FCRL6: variants seen among roughly 807,000 people sequenced by gnomAD.
The protein encoded by FCRL6 is Fc receptor like 6, also known as Fc receptor-like protein 6.
FCRL6 carries 50 observed loss-of-function variants against 49.1 expected under a neutral mutation model. The observed-to-expected ratio is 1.02, with a 90% CI of 0.81 to 1.29. FCRL6 has a LOEUF of 1.29. Among genes scored for constraint, FCRL6 ranks in the 50% most tolerant of loss-of-function variants. The pLI, the probability that FCRL6 is intolerant of heterozygous loss-of-function variation, is 0.00. For synonymous variants in FCRL6, 213 were observed against 199.6 expected (o/e 1.07, Z -0.57); for missense variants, 571 against 518.5 (o/e 1.10, Z -0.98).
Position 159,813,559 on chromosome 1 carries a change from G to A in FCRL6, c.1075+5G>A, listed in dbSNP as rs1249575016. The A allele has an allele frequency of 1.2e-6, 2 of 1,613,752 alleles. No homozygotes were observed. Among genetic ancestry groups the A allele is most frequent in the Non-Finnish European group, 1.7e-6 (2 of 1,179,616 alleles). On this transcript the variant is annotated splice_donor_5th_base_variant and intron_variant, in intron 7 of 9. Coordinates refer to ENST00000368106, the MANE Select transcript of FCRL6 (RefSeq NM_001004310.3). ...AGTGCCCACTATATGCCAACGGTAA[G>A]GACTTCCAGCAGGATGGTGGTGTGC...
Position 159,815,549 on chromosome 1 carries a change from T to A in FCRL6, c.1193T>A (p.Ile398Asn), listed in dbSNP as rs1358899313. Residue 398 changes from isoleucine (I) to asparagine (N), a missense_variant, in exon 10 of 10, where the codon ATC becomes AAC. Physicochemically the swap from Ile to Asn is moderately radical, Grantham distance 149. Transcript: ENST00000368106. ...ACTCTTCCACAGGACAGTTCTATCA[T>A]CTGTGCGGAGGTGAGATGCCTGCAG... ...FTVGRKDSSI[I>N]CAEVRCLQPS... 1 of 1,614,116 alleles carries A rather than the reference T, an allele frequency of 6.2e-7. No individual in the cohort carries two copies. Among genetic ancestry groups the A allele is most frequent in the African/African-American group, 1.3e-5 (1 of 74,938 alleles).
chr1:159,813,398 C>G (rs1663196837), intron 6 of FCRL6, 91 bp from the exon 7 acceptor site: 1 of 1,151,492 alleles, frequency 8.7e-7, no homozygotes, highest in African/African-American at 1.5e-5. Context: ...CTCCAGCGGC[C>G]TCCTTGTCAT....
At chr1:159,803,360 C>T (rs1031996464) in intron 1 of FCRL6, among the ~76,000 whole-genome samples, 6 of 152,230 alleles carry the variant, frequency 3.9e-5, no homozygotes, top group African/African-American at 7.2e-5. Context: ...CAATAGCTTG[C>T]TTGCTATTTG....
intron 1 of FCRL6, among the ~76,000 whole-genome samples, chr1:159,805,055 G>A (rs55997732): frequency 0.13 from 19,909 of 152,198 alleles, 1,744 homozygotes; most frequent in Admixed American, 0.26. Context: ...GTTCAAGGTC[G>A]TACAGAAAGA....
intron 6 of FCRL6, 58 bp from the exon 7 acceptor site, chr1:159,813,431 C>T (rs1483587194): frequency 1.3e-5 from 19 of 1,470,146 alleles, no homozygotes; most frequent in Non-Finnish European, 1.6e-5. Context: ...CTTTCCTGTC[C>T]CCTGTCCCAC....
In FCRL6 at chr1:159,809,158, G is replaced by A; in HGVS notation, c.517G>A (p.Gly173Arg). The change falls in exon 4 of 10, where the codon GGA becomes AGA. Residue 173 changes from glycine (G) to arginine (R), a missense_variant. By Grantham distance (125) the Gly-to-Arg change is moderately radical (BLOSUM62 -2). Coordinates refer to ENST00000368106, the MANE Select transcript of FCRL6 (RefSeq NM_001004310.3). ...ACTCTGCATCCCGGGAGCCAAGGAG[G>A]GAGACTCTGGGCTTTACTGGTGTGA... The part of the protein sequence containing the change: ...PELCIPGAKE[G>R]DSGLYWCEVA... 2 of 1,613,746 alleles carry A rather than the reference G, an allele frequency of 1.2e-6. No homozygotes were observed. Among genetic ancestry groups the A allele is most frequent in the Non-Finnish European group, 1.7e-6 (2 of 1,179,828 alleles).
At chr1:159,814,325 G>T in intron 8 of FCRL6, 33 bp downstream of exon 8, 1 of 1,581,264 alleles carries the variant, frequency 6.3e-7, no homozygotes, top group Non-Finnish European at 8.7e-7. Context: ...TGGTACCTTT[G>T]CAAACAGAAG....
At position 159,809,012 on chromosome 1, in the gene FCRL6, AG is replaced by A; in HGVS notation, c.374del (p.Gly125ValfsTer4). On this transcript the variant is annotated frameshift_variant, in exon 4 of 10. Coordinates refer to ENST00000368106, the MANE Select transcript of FCRL6 (RefSeq NM_001004310.3). LOFTEE classifies it high-confidence loss of function. ...LSAIPSPEPR[E>X]GSLVTLRCQT... ...GCCATCCCCTCTCCTGAGCCCCGAG[AG>A]GGTAGCCTGGTGACCCTGAGATGTC... 1 of 1,613,682 alleles carries A rather than the reference AG, an allele frequency of 6.2e-7. No homozygotes were observed.
chr1:159,815,450 G>T lies in FCRL6; in HGVS notation c.1170G>T (p.Val390=). ...CAGCCAGGTCTGCTGAGTTCACCGT[G>T]GGGAGAAAGGTGAGCTGGGATCCCT... ...RSEARSAEFT[V]GRKDSSIICA... is the part of the protein sequence containing the mutation. The change falls in exon 9 of 10, where the codon GTG becomes GTT. Residue 390 remains valine (V), a synonymous_variant. Coordinates refer to ENST00000368106, the MANE Select transcript of FCRL6 (RefSeq NM_001004310.3). The T allele has an allele frequency of 6.2e-7, 1 of 1,614,024 alleles. No individual in the cohort carries two copies. Among genetic ancestry groups the T allele is most frequent in the Non-Finnish European group, 8.5e-7 (1 of 1,179,940 alleles).
At chr1:159,800,694 A>C, upstream of FCRL6, 1 of 1,282,740 alleles carries the variant, frequency 7.8e-7, no homozygotes, top group Non-Finnish European at 1.1e-6. Context: ...TCACCGAAAA[A>C]AATGCCTGGC....
At chr1:159,810,362 C>T in intron 6 of FCRL6, 146 bp downstream of exon 6, 3 of 928,178 alleles carry the variant, frequency 3.2e-6, no homozygotes, top group Non-Finnish European at 4.7e-6. Context: ...CTGTGTCACA[C>T]AAAGGGGCAC....
At chr1:159,807,724 AAG>A (rs940486808) in intron 2 of FCRL6, among the ~76,000 whole-genome samples, 6 of 152,190 alleles carry the variant, frequency 3.9e-5, no homozygotes, top group Non-Finnish European at 8.8e-5. Flanking sequence ...AGGCTGCAGA[AAG>A]TGTCACATTA....
At chr1:159,802,019 C>T (rs192484344), upstream of FCRL6, among the ~76,000 whole-genome samples, 60 of 152,216 alleles carry the variant, frequency 3.9e-4, no homozygotes, top group African/African-American at 1.4e-3. Flanking sequence ...CTTAGTTTTA[C>T]AGTGCTGCGC....
Position 159,809,255 on chromosome 1 carries a change from C to T in FCRL6, c.604+10C>T, listed in dbSNP as rs370619624. 6.2e-5 allele frequency: 96 copies of T among 1,542,008 alleles called. No homozygotes were observed. The highest frequency in any genetic ancestry group is 8.2e-5 in the Admixed American group (4 of 48,928). On this transcript the variant is annotated intron_variant, in intron 4 of 9. Transcript: ENST00000368106. Reference sequence around the variant, plus strand: ...GAGGTCAGAGTGCAGGGTAAGTGCGCGAGAGAGTGGAGATGCCCCCAGGGC... The same window carrying T: ...GAGGTCAGAGTGCAGGGTAAGTGCGTGAGAGAGTGGAGATGCCCCCAGGGC...
chr1:159,805,135 A>C (rs574628292), intron 1 of FCRL6, among the ~76,000 whole-genome samples: 1 of 152,298 alleles, frequency 6.6e-6, no homozygotes, highest in Non-Finnish European at 1.5e-5. Flanking sequence ...CACCGAGCTC[A>C]TAGATGGGGG....
chr1:159,809,480 G>T lies in FCRL6; in HGVS notation c.683G>T (p.Cys228Phe). 6.2e-7 allele frequency: 1 copy of T among 1,614,130 alleles called. No individual in the cohort carries two copies. Among genetic ancestry groups the T allele is most frequent in the Non-Finnish European group, 8.5e-7 (1 of 1,180,014 alleles). The change falls in exon 5 of 10, where the codon TGT (cysteine) becomes TTT (phenylalanine). Residue 228 changes from cysteine (C) to phenylalanine (F), a missense_variant. Physicochemically the swap from Cys to Phe is radical, Grantham distance 205. Coordinates refer to ENST00000368106, the MANE Select transcript of FCRL6 (RefSeq NM_001004310.3). The stretch of plus-strand genomic sequence containing the variant: ...GTGGGGGACATGGTGCAGCTCCTCT[G>T]TGAGGCACAGAGGGGCTCCCCTCCG... ...PAVGDMVQLL[C>F]EAQRGSPPIL...
intron 1 of FCRL6, among the ~76,000 whole-genome samples, chr1:159,806,378 A>G (rs1008694631): frequency 6.6e-6 from 1 of 150,702 alleles, no homozygotes; most frequent in Non-Finnish European, 1.5e-5. Flanking sequence ...GGATGGTTGG[A>G]TGGTTGGGTG....
intron 3 of FCRL6, 123 bp downstream of exon 3, chr1:159,808,567 GT>G (rs1317468738): frequency 8.1e-7 from 1 of 1,230,632 alleles, no homozygotes; most frequent in Non-Finnish European, 1.2e-6. Context: ...GGGCCAATGT[GT>G]GGGGCCCCGA....
chr1:159,815,902 T>G lies in FCRL6; in HGVS notation c.*241T>G, dbSNP rs2101766391. The G allele has an allele frequency of 2.0e-6, 1 of 491,820 alleles. No individual in the cohort carries two copies. The highest frequency in any genetic ancestry group is 3.7e-5 in the East Asian group (1 of 26,950). 30.5% of individuals were successfully genotyped at this position (491,820 alleles called of 1,614,324 possible). The stretch of plus-strand genomic sequence containing the variant: ...AACACACACACTTAGGTTCAATCAG[T>G]GACACTGGACACATAAGCCACAGAT... On this transcript the variant is annotated 3_prime_UTR_variant, in exon 10 of 10. Transcript: ENST00000368106.
Sources: allele counts gnomAD v4.1 joint callset (sites outside exome capture counted in the v4.1 genomes callset), GRCh38; gene constraint gnomAD v4.1.1; transcripts MANE v1.5; gene names NCBI Gene and HGNC (gene_info 2026-07-23, HGNC 2026-07-21).